HIF3A: variants seen among roughly 807,000 people sequenced by gnomAD.
HIF3A encodes hypoxia-inducible factor 3-alpha.
Under a neutral mutation model 67.2 loss-of-function variants are expected in HIF3A, and 41 were observed. That is an observed-to-expected ratio of 0.61 (90% CI 0.48 to 0.79). The LOEUF (loss-of-function observed/expected upper bound fraction) is 0.79. HIF3A is among the 30% of genes least tolerant of loss of function. The pLI is 0.00. For synonymous variants in HIF3A, 356 were observed against 374.8 expected (o/e 0.95, Z 0.58); for missense variants, 855 against 898.0 (o/e 0.95, Z 0.61).
At position 46,312,244 on chromosome 19, in the gene HIF3A, C is replaced by A. The variant is rs762528091; in HGVS notation, c.854C>A (p.Ala285Glu). Residue 285 changes from alanine (A) to glutamate (E), a missense_variant, in exon 7 of 15, where the codon GCG becomes GAG. Ala to Glu is a moderately radical substitution (Grantham distance 107). Coordinates refer to ENST00000377670, the MANE Select transcript of HIF3A (RefSeq NM_152795.4). ...YEYIHALDSD[A>E]VSKSIHTLLS... ...TACATCCACGCGCTGGACTCCGATG[C>A]GGTCAGCAAGAGCATCCACACCTGT... 1.2e-6 allele frequency: 2 copies of A among 1,613,942 alleles called. No homozygotes were observed. Among genetic ancestry groups the A allele is most frequent in the Non-Finnish European group, 1.7e-6 (2 of 1,179,968 alleles).
At chr19:46,307,582 T>C (rs1237133372) in intron 3 of HIF3A, among the ~76,000 whole-genome samples, 1 of 152,062 alleles carries the variant, frequency 6.6e-6, no homozygotes, top group Non-Finnish European at 1.5e-5. Flanking sequence ...ACCCCGTCTC[T>C]ACTAAAAATA....
Position 46,297,312 on chromosome 19 carries a change from T to C in HIF3A, c.26+210T>C. ...TACGTCTCTGGCTGCCCCGCCCCTC[T>C]GGCCAAGAGCGGCTTCGGGGTTCCC... On this transcript the variant is annotated intron_variant, in intron 1 of 14. Coordinates refer to ENST00000377670, the MANE Select transcript of HIF3A (RefSeq NM_152795.4). This position sits in a 1 kb window ranked among gnomAD's most constrained non-coding sequence, Gnocchi z 4.5. Among the ~76,000 whole-genome samples, 1 of 152,118 alleles carries C rather than the reference T, an allele frequency of 6.6e-6. No individual in the cohort carries two copies. The highest frequency in any genetic ancestry group is 2.4e-5 in the African/African-American group (1 of 41,438).
chr19:46,333,692 C>T (rs1352567099), intron 13 of HIF3A, among the ~76,000 whole-genome samples: 1 of 151,878 alleles, frequency 6.6e-6, no homozygotes, highest in African/African-American at 2.4e-5. Context: ...CCTCAGCATC[C>T]CTTAACTACT....
intron 11 of HIF3A, among the ~76,000 whole-genome samples, chr19:46,327,163 T>A (rs75952656): frequency 0.066 from 9,944 of 150,252 alleles, 413 homozygotes; most frequent in African/African-American, 0.13. Flanking sequence ...CCAAAAAAAA[T>A]ATATATATAT....
intron 14 of HIF3A, among the ~76,000 whole-genome samples, chr19:46,337,902 T>G (rs1044922040): frequency 6.6e-6 from 1 of 152,238 alleles, no homozygotes; most frequent in African/African-American, 2.4e-5. Context: ...GTATGAGACC[T>G]TCAAGGGCAG....
chr19:46,329,440 C>T lies in HIF3A; in HGVS notation c.1674C>T (p.Asp558=), dbSNP rs756534041. ...GCTGCTCCAGCCCTTCCAGAGGGGA[C>T]CCCTCAGCATCCTCTCCCATGGCTG... ...RLSCSSPSRG[D]PSASSPMAGA... Residue 558 remains aspartate, a synonymous_variant, in exon 12 of 15, where the codon GAC becomes GAT. Coordinates refer to ENST00000377670, the MANE Select transcript of HIF3A (RefSeq NM_152795.4). 6.4e-7 allele frequency: 1 copy of T among 1,563,638 alleles called. No homozygotes were observed. Among genetic ancestry groups the T allele is most frequent in the East Asian group, 2.3e-5 (1 of 43,782 alleles).
chr19:46,329,579 G>A (rs541475747), intron 12 of HIF3A, 101 bp downstream of exon 12: 8 of 1,332,414 alleles, frequency 6.0e-6, no homozygotes, highest in Non-Finnish European at 7.8e-6. Context: ...CTCTAACCCT[G>A]ATCTCTGCTC....
chr19:46,298,276 TC>T (rs1039199551), intron 1 of HIF3A: 3 of 562,874 alleles, frequency 5.3e-6, no homozygotes, highest in Non-Finnish European at 8.6e-6. Flanking sequence ...AGGAACTCTA[TC>T]CCACCCCTTT....
intron 10 of HIF3A, among the ~76,000 whole-genome samples, 177 bp downstream of exon 10, chr19:46,322,143 T>C (rs1023923586): frequency 1.3e-4 from 20 of 152,162 alleles, no homozygotes; most frequent in African/African-American, 4.3e-4. Flanking sequence ...GATTTTTCAA[T>C]TGTTAGAATT....
intron 3 of HIF3A, among the ~76,000 whole-genome samples, chr19:46,307,995 C>CAGAT (rs1340207081): frequency 0.22 from 5,773 of 26,588 alleles, 130 homozygotes; most frequent in South Asian, 0.38. Flanking sequence ...GACAGACAGA[C>CAGAT]AGACAGATAG....
chr19:46,303,718 T>G (rs1323885752), intron 1 of HIF3A, 180 bp from the exon 2 acceptor site: 1 of 1,562,802 alleles, frequency 6.4e-7, no homozygotes, highest in Non-Finnish European at 8.7e-7. Context: ...GGCTCCACAG[T>G]GTAGCCCTTC....
chr19:46,331,438 G>A, intron 13 of HIF3A, 165 bp downstream of exon 13: 1 of 416,650 alleles, frequency 2.4e-6, no homozygotes, highest in Non-Finnish European at 4.7e-6. Flanking sequence ...TTTCACTAAT[G>A]GGTATTAAAA....
At chr19:46,326,269 G>A (rs368433703) in intron 11 of HIF3A, among the ~76,000 whole-genome samples, 2 of 152,330 alleles carry the variant, frequency 1.3e-5, no homozygotes, top group African/African-American at 4.8e-5. Context: ...CAACATGGCA[G>A]TTGGCTTCCC....
At position 46,321,975 on chromosome 19, in the gene HIF3A, T is replaced by C; in HGVS notation, c.1335+9T>C. 1 of 1,613,022 alleles carries C rather than the reference T, an allele frequency of 6.2e-7. No individual in the cohort carries two copies. ...CCCAAAGTCCTCTTTCGGTAAGCCA[T>C]CCCACCCATGTGAGCCCTCAGCATC... On this transcript the variant is annotated intron_variant, in intron 10 of 14. Coordinates refer to ENST00000377670, the MANE Select transcript of HIF3A (RefSeq NM_152795.4).
chr19:46,335,016 C>T (rs1230731546), intron 14 of HIF3A, 30 bp downstream of exon 14: 1 of 1,568,570 alleles, frequency 6.4e-7, no homozygotes, highest in Non-Finnish European at 8.7e-7. Flanking sequence ...TCCAGAGCCC[C>T]AGAGCACCTT....
chr19:46,305,940 G>A (rs1406006252), intron 3 of HIF3A, among the ~76,000 whole-genome samples: 6 of 152,090 alleles, frequency 3.9e-5, no homozygotes, highest in African/African-American at 1.4e-4. Flanking sequence ...TTTGCCAGAT[G>A]TTGTGGCACA....
At chr19:46,319,406 G>T (rs1433805780) in intron 8 of HIF3A, among the ~76,000 whole-genome samples, 1 of 152,002 alleles carries the variant, frequency 6.6e-6, no homozygotes, top group African/African-American at 2.4e-5. Flanking sequence ...ACAAATGAGG[G>T]CCTGATCCTC....
At position 46,320,520 on chromosome 19, in the gene HIF3A, C is replaced by T. The variant is rs146803876; in HGVS notation, c.1103C>T (p.Ala368Val). 9.3e-6 allele frequency: 15 copies of T among 1,613,930 alleles called. No homozygotes were observed. The East Asian group carries it at 2.0e-4, about 22-fold the overall frequency. ...TCTCGCAGACCCATTCAGCGGGGCG[C>T]CCCCTCTCAGAAGGACACCCCTAAC... ...QHSRRPIQRG[A>V]PSQKDTPNPG... Residue 368 changes from alanine to valine, a missense_variant, in exon 9 of 15, where the codon GCC becomes GTC. Around this residue, in one of 3 missense-constraint regions of HIF3A, gnomAD observed 638 missense variants for 660.5 expected, o/e 0.97. Transcript: ENST00000377670.
At chr19:46,321,082 C>T in intron 9 of HIF3A, among the ~76,000 whole-genome samples, 1 of 152,164 alleles carries the variant, frequency 6.6e-6, no homozygotes. Flanking sequence ...GGTGGGATTG[C>T]TGATATAATA....
Sources: gnomAD v4.1 joint callset for allele counts (sites outside exome capture counted in the v4.1 genomes callset) on GRCh38, gnomAD v4.1.1 for gene constraint, gnomAD v4.1.1 regional missense constraint, Gnocchi (gnomAD v3.1) non-coding constraint, MANE v1.5 for transcripts, NCBI Gene and HGNC (gene_info 2026-07-23, HGNC 2026-07-21) for gene names.